The following TMEM156 variants were observed in gnomAD, a reference collection of about 807,000 sequenced individuals.
The protein encoded by TMEM156 is transmembrane protein 156.
In TMEM156, 28 loss-of-function variants were observed where a neutral mutation model predicts 30.5. The ratio of observed to expected loss-of-function variants is 0.92; its 90% CI spans 0.68 to 1.26. TMEM156 has a LOEUF of 1.26. TMEM156 is among the 50% of genes most tolerant of loss of function. TMEM156 has a pLI of 0.00. For synonymous variants in TMEM156, 137 were observed against 119.9 expected (o/e 1.14, Z -0.93); for missense variants, 351 against 340.6 (o/e 1.03, Z -0.24).
chr4:38,997,049 G>A (rs1214447676), intron 2 of TMEM156, among the ~76,000 whole-genome samples: 2 of 152,190 alleles, frequency 1.3e-5, no homozygotes, highest in African/African-American at 4.8e-5. Flanking sequence ...AAACCATTGA[G>A]TTTTGGGGGT....
At chr4:38,985,524 G>T (rs916005385) in intron 5 of TMEM156, among the ~76,000 whole-genome samples, 2 of 152,180 alleles carry the variant, frequency 1.3e-5, no homozygotes, top group African/African-American at 2.4e-5. Flanking sequence ...GCTGTAGGGT[G>T]GGGGACTGGA....
rs182194571 is a variant in TMEM156 at position 39,005,895 on chromosome 4, A to G, written c.89-6986T>C. Among the ~76,000 whole-genome samples, 12 of 152,250 alleles carry G rather than the reference A, an allele frequency of 7.9e-5. No individual in the cohort carries two copies. The East Asian group carries it at 2.1e-3, about 27-fold the overall frequency. On this transcript the variant is annotated intron_variant, in intron 1 of 6. Coordinates refer to ENST00000381938, the MANE Select transcript of TMEM156 (RefSeq NM_024943.3). ...ATTTATATTCCCACCCGCAGTGTAT[A>G]AAAATTCTTTTTCTTTTTTGAGTCA...
At chr4:39,007,437 TTATC>T (rs1713818832) in intron 1 of TMEM156, among the ~76,000 whole-genome samples, 1 of 141,678 alleles carries the variant, frequency 7.1e-6, no homozygotes. Context: ...ATGTATTTAT[TTATC>T]TATTTTTTAT....
chr4:39,006,435 C>T (rs1370556166), intron 1 of TMEM156, among the ~76,000 whole-genome samples: 1 of 151,924 alleles, frequency 6.6e-6, no homozygotes, highest in Admixed American at 6.6e-5. Flanking sequence ...TCTCACAGTA[C>T]CTTATCTATT....
At chr4:39,012,581 G>A (rs988958757) in intron 1 of TMEM156, among the ~76,000 whole-genome samples, 34 of 152,228 alleles carry the variant, frequency 2.2e-4, no homozygotes, top group African/African-American at 7.5e-4. Context: ...CGAGGCAGGC[G>A]GATCACCTGA....
chr4:38,981,731 C>A (rs1711566953), intron 5 of TMEM156, among the ~76,000 whole-genome samples: 1 of 152,108 alleles, frequency 6.6e-6, no homozygotes, highest in Non-Finnish European at 1.5e-5. Context: ...AAATGATGTG[C>A]ATGAAAGTAC....
At chr4:39,006,077 A>G (rs370231279) in intron 1 of TMEM156, among the ~76,000 whole-genome samples, 1 of 151,942 alleles carries the variant, frequency 6.6e-6, no homozygotes, top group Admixed American at 6.6e-5. Context: ...TGTATTTTTA[A>G]TAGAGATGAA....
At chr4:39,022,478 C>T (rs935485703) in intron 1 of TMEM156, among the ~76,000 whole-genome samples, 2 of 152,182 alleles carry the variant, frequency 1.3e-5, no homozygotes, top group Admixed American at 1.3e-4. Context: ...TCTTGCTTAG[C>T]CATACGTATT....
chr4:38,998,068 T>G (rs921492448), intron 2 of TMEM156, among the ~76,000 whole-genome samples: 1 of 152,156 alleles, frequency 6.6e-6, no homozygotes, highest in Non-Finnish European at 1.5e-5. Context: ...TTGAAGAGAG[T>G]ATATGCCAAA....
intron 6 of TMEM156, among the ~76,000 whole-genome samples, chr4:38,969,151 C>T (rs1197718509): frequency 1.3e-5 from 2 of 152,218 alleles, no homozygotes; most frequent in African/African-American, 4.8e-5. Context: ...TTCACACATT[C>T]AATGTATTCC....
chr4:38,987,614 G>A (rs1444927779), intron 4 of TMEM156, among the ~76,000 whole-genome samples: 1 of 152,110 alleles, frequency 6.6e-6, no homozygotes, highest in African/African-American at 2.4e-5. Context: ...AAGAGTCTTG[G>A]GAAATCATAC....
chr4:39,012,708 G>A (rs1376772876), intron 1 of TMEM156, among the ~76,000 whole-genome samples: 1 of 152,138 alleles, frequency 6.6e-6, no homozygotes, highest in African/African-American at 2.4e-5. Flanking sequence ...GGGAGGCTGA[G>A]GCGGGCAGAT....
intron 1 of TMEM156, among the ~76,000 whole-genome samples, chr4:39,030,049 AC>A (rs772187279): frequency 1.2e-4 from 18 of 152,088 alleles, no homozygotes; most frequent in Non-Finnish European, 2.2e-4. Flanking sequence ...TTCCTTTGAA[AC>A]AAAATTCCCC....
chr4:39,032,303 GT>G lies in TMEM156; in HGVS notation c.10del (p.Thr4GlnfsTer10). MTK[T>X]ALLKLFVAIV... ...TGCCACAAATAATTTAAGGAGGGCTGTTTTTGTCATGTCTCTTCACATGACA... is the reference window on the plus strand; with the variant it reads ...TGCCACAAATAATTTAAGGAGGGCTGTTTTGTCATGTCTCTTCACATGACA... On this transcript the variant is annotated frameshift_variant, in exon 1 of 7. Coordinates refer to ENST00000381938, the MANE Select transcript of TMEM156 (RefSeq NM_024943.3). LOFTEE classifies it high-confidence loss of function. 1 of 1,605,982 alleles carries G rather than the reference GT, an allele frequency of 6.2e-7. No homozygotes were observed. The highest frequency in any genetic ancestry group is 8.5e-7 in the Non-Finnish European group (1 of 1,174,568).
chr4:38,973,608 C>A (rs1722708679), intron 5 of TMEM156, among the ~76,000 whole-genome samples: 1 of 151,990 alleles, frequency 6.6e-6, no homozygotes, highest in African/African-American at 2.4e-5. Flanking sequence ...CTTAGGTTTT[C>A]CAGGTACACA....
intron 1 of TMEM156, among the ~76,000 whole-genome samples, chr4:39,021,819 A>C (rs1348669827): frequency 6.6e-6 from 1 of 152,216 alleles, no homozygotes. Flanking sequence ...ACATGGTGTG[A>C]AATGAGTCTG....
At chr4:39,014,458 C>G (rs993493173) in intron 1 of TMEM156, among the ~76,000 whole-genome samples, 1 of 152,020 alleles carries the variant, frequency 6.6e-6, no homozygotes, top group Non-Finnish European at 1.5e-5. Context: ...TGTCACATCC[C>G]TATGCAAAAA....
chr4:38,990,130 T>C (rs1712315884), intron 3 of TMEM156, among the ~76,000 whole-genome samples: 1 of 152,154 alleles, frequency 6.6e-6, no homozygotes, highest in Admixed American at 6.5e-5. Context: ...CTGTGTACAC[T>C]CTTCTTTGCA....
intron 2 of TMEM156, among the ~76,000 whole-genome samples, chr4:38,994,958 A>G (rs2109962686): frequency 6.6e-6 from 1 of 152,078 alleles, no homozygotes; most frequent in East Asian, 1.9e-4. Flanking sequence ...AGAAAAGAAC[A>G]GAAGTTTGTC....
Sources: allele counts gnomAD v4.1 joint callset (sites outside exome capture counted in the v4.1 genomes callset), GRCh38; gene constraint gnomAD v4.1.1; transcripts MANE v1.5; gene names NCBI Gene and HGNC (gene_info 2026-07-23, HGNC 2026-07-21).